Variants in KCNIP4 observed in about 807,000 individuals in gnomAD.
KCNIP4 encodes the protein Kv channel-interacting protein 4.
KCNIP4 carries 12 observed loss-of-function variants against 34.0 expected under a neutral mutation model. The ratio of observed to expected loss-of-function variants is 0.35; its 90% CI spans 0.23 to 0.57. The LOEUF is 0.57. KCNIP4 is among the 20% of genes least tolerant of loss of function. KCNIP4 has a pLI of 0.83. For missense variants in KCNIP4, 238 were observed against 311.7 expected, an observed-to-expected ratio of 0.76 and a Z score of 1.78; for synonymous variants, 124 against 102.2, an observed-to-expected ratio of 1.21 and a Z score of -1.29.
At chr4:21,307,644 T>C (rs1274212373) in intron 1 of KCNIP4, among the ~76,000 whole-genome samples, 1 of 152,186 alleles carries the variant, frequency 6.6e-6, no homozygotes, top group African/African-American at 2.4e-5. Flanking sequence ...GAATGAATAA[T>C]CTGATTGATA....
At chr4:21,483,966 G>T (rs1412459745) in intron 1 of KCNIP4, among the ~76,000 whole-genome samples, 1 of 151,462 alleles carries the variant, frequency 6.6e-6, no homozygotes, top group African/African-American at 2.4e-5. Context: ...CCAGCATCAT[G>T]CTTCCTGTAC....
chr4:21,341,351 C>A (rs780197835), intron 1 of KCNIP4, among the ~76,000 whole-genome samples: 3 of 152,106 alleles, frequency 2.0e-5, no homozygotes, highest in Non-Finnish European at 4.4e-5. Flanking sequence ...AACTCTAATT[C>A]TGTTTGCTTC....
At chr4:21,615,120 A>C (rs1210389532) in intron 1 of KCNIP4, among the ~76,000 whole-genome samples, 2 of 152,142 alleles carry the variant, frequency 1.3e-5, no homozygotes, top group Non-Finnish European at 2.9e-5. Flanking sequence ...TGAAAGAAGG[A>C]GGGAGAGAAA....
intron 1 of KCNIP4, among the ~76,000 whole-genome samples, chr4:21,508,764 T>C (rs1734067363): frequency 6.6e-6 from 1 of 150,784 alleles, no homozygotes; most frequent in Non-Finnish European, 1.5e-5. Context: ...AGCAAGGGGA[T>C]GAAAACTATG....
chr4:21,204,211 G>A (rs1212210999), intron 1 of KCNIP4, among the ~76,000 whole-genome samples: 2 of 151,618 alleles, frequency 1.3e-5, no homozygotes, highest in African/African-American at 4.9e-5. Context: ...TTTAATGCAT[G>A]TGCTTAGTTC....
intron 1 of KCNIP4, among the ~76,000 whole-genome samples, chr4:21,216,751 G>A (rs1416189475): frequency 6.6e-6 from 1 of 152,030 alleles, no homozygotes. Context: ...GAACCCAAGT[G>A]GCCCTGTTAT....
chr4:21,230,508 C>A (rs79261879), intron 1 of KCNIP4, among the ~76,000 whole-genome samples: 3,974 of 152,168 alleles, frequency 0.026, 126 homozygotes, highest in South Asian at 0.17. Flanking sequence ...CTCCCTAATC[C>A]CCTGACAGGA....
intron 3 of KCNIP4, among the ~76,000 whole-genome samples, chr4:20,806,826 G>A (rs968673429): frequency 1.3e-5 from 2 of 152,082 alleles, no homozygotes; most frequent in African/African-American, 4.8e-5. Context: ...GCAGAACTGG[G>A]TTTTGAAACA....
At chr4:21,824,347 A>C (rs1426254441) in intron 1 of KCNIP4, among the ~76,000 whole-genome samples, 2 of 152,186 alleles carry the variant, frequency 1.3e-5, no homozygotes, top group Non-Finnish European at 2.9e-5. Flanking sequence ...TTTAGGAGTC[A>C]TGCAGCCAGA....
intron 1 of KCNIP4, among the ~76,000 whole-genome samples, chr4:21,391,388 A>G (rs889757530): frequency 3.3e-5 from 5 of 152,164 alleles, no homozygotes; most frequent in Admixed American, 6.6e-5. Context: ...TTCAGCTAAC[A>G]TGGAAACCCA....
chr4:21,371,313 G>A lies in KCNIP4; in HGVS notation c.62-488604C>T, dbSNP rs1720426988. Among the ~76,000 whole-genome samples, 2 of 146,570 alleles carry A rather than the reference G, an allele frequency of 1.4e-5. 1 individual carries two copies. The highest frequency in any genetic ancestry group is 2.9e-5 in the Non-Finnish European group (2 of 68,006). On this transcript the variant is annotated intron_variant, in intron 1 of 8. Coordinates refer to ENST00000382152, the MANE Select transcript of KCNIP4 (RefSeq NM_025221.6). ...GAGAGGTAAAAGAAAGAACAATGTA[G>A]GCAAGAAGGTCAACAGTAATAATGA...
intron 1 of KCNIP4, among the ~76,000 whole-genome samples, chr4:21,154,375 C>T (rs4580648): frequency 0.17 from 26,516 of 152,084 alleles, 2,573 homozygotes; most frequent in African/African-American, 0.25. Flanking sequence ...TAAGGTAAAA[C>T]GATTCCCAGA....
intron 1 of KCNIP4, among the ~76,000 whole-genome samples, chr4:20,963,193 G>A (rs1158170369): frequency 6.6e-6 from 1 of 151,926 alleles, no homozygotes; most frequent in Non-Finnish European, 1.5e-5. Flanking sequence ...TGGGCATGGT[G>A]ACACACGCCT....
chr4:21,728,980 T>C lies in KCNIP4; in HGVS notation c.61+219591A>G, dbSNP rs181791933. The stretch of plus-strand genomic sequence containing the variant: ...TGCCACATATATACACACTCATGCA[T>C]TCGTGTGAGCATGCACACATGCACG... On this transcript the variant is annotated intron_variant, in intron 1 of 8. Coordinates refer to ENST00000382152, the MANE Select transcript of KCNIP4 (RefSeq NM_025221.6). Among the ~76,000 whole-genome samples the C allele has an allele frequency of 4.6e-5, 7 of 152,298 alleles. No homozygotes were observed. In the East Asian group the frequency reaches 1.4e-3, roughly 29 times the overall value.
At chr4:20,879,588 G>A (rs1397777315) in intron 2 of KCNIP4, among the ~76,000 whole-genome samples, 1 of 152,158 alleles carries the variant, frequency 6.6e-6, no homozygotes, top group Non-Finnish European at 1.5e-5. Context: ...GGTTCTTCAT[G>A]CAGAAAATCT....
intron 2 of KCNIP4, among the ~76,000 whole-genome samples, chr4:20,864,054 A>ATG (rs1722517791): frequency 1.6e-5 from 2 of 128,688 alleles, no homozygotes; most frequent in African/African-American, 5.2e-5. Flanking sequence ...GCATGTATGT[A>ATG]TACACATGTA....
intron 1 of KCNIP4, among the ~76,000 whole-genome samples, chr4:21,545,049 C>A (rs1349451711): frequency 6.6e-6 from 1 of 152,054 alleles, no homozygotes; most frequent in East Asian, 1.9e-4. Flanking sequence ...GAGGTCAGCA[C>A]AAGATATACA....
rs143514970 is a variant in KCNIP4, at chr4:21,014,119, C to T, written c.62-131410G>A. Among the ~76,000 whole-genome samples the T allele has an allele frequency of 8.2e-4, 125 of 152,320 alleles. 1 individual carries two copies. Among genetic ancestry groups the T allele is most frequent in the African/African-American group, 2.8e-3 (117 of 41,572 alleles). ...TCTACATCTTTACCTCCAGTTCAGA[C>T]TTTGGATCTTTAAAATCATATAATT... is the stretch of plus-strand genomic sequence containing the variant. On this transcript the variant is annotated intron_variant, in intron 1 of 8. Coordinates refer to ENST00000382152, the MANE Select transcript of KCNIP4 (RefSeq NM_025221.6).
At chr4:21,708,699 T>G (rs1163159182) in intron 1 of KCNIP4, among the ~76,000 whole-genome samples, 1 of 152,072 alleles carries the variant, frequency 6.6e-6, no homozygotes, top group East Asian at 1.9e-4. Context: ...GGAAGCCTCA[T>G]TTTCAGTTAT....
Sources: gnomAD v4.1 joint callset for allele counts (sites outside exome capture counted in the v4.1 genomes callset) on GRCh38, gnomAD v4.1.1 for gene constraint, MANE v1.5 for transcripts, NCBI Gene and HGNC (gene_info 2026-07-23, HGNC 2026-07-21) for gene names.